Variants in NFATC3 observed in about 807,000 individuals in gnomAD.
NFATC3 encodes nuclear factor of activated T cells 3.
Under a neutral mutation model 98.6 loss-of-function variants are expected in NFATC3, and 46 were observed. That is an observed-to-expected ratio of 0.47 (90% CI 0.37 to 0.60). The LOEUF is 0.60. Among genes scored for constraint, NFATC3 ranks in the 20% least tolerant of loss-of-function variants. NFATC3 has a pLI of 0.00. For synonymous variants in NFATC3, 512 were observed against 472.2 expected (o/e 1.08, Z -1.09); for missense variants, 1,256 against 1,295.5 (o/e 0.97, Z 0.47).
intron 4 of NFATC3, among the ~76,000 whole-genome samples, chr16:68,163,470 C>G (rs1348784262): frequency 6.7e-6 from 1 of 149,930 alleles, no homozygotes; most frequent in African/African-American, 2.5e-5. Context: ...ACCTCCCGGG[C>G]GGGGCTGCTG....
At chr16:68,192,460 A>G (rs945751464) in intron 9 of NFATC3, among the ~76,000 whole-genome samples, 1 of 151,766 alleles carries the variant, frequency 6.6e-6, no homozygotes, top group South Asian at 2.1e-4. Context: ...GTGAGATCAC[A>G]GTGTCTAGAG....
rs986277074 is a variant in NFATC3, at chr16:68,158,223, A to G, written c.1601+155A>G. The G allele has an allele frequency of 4.5e-5, 26 of 577,510 alleles. No homozygotes were observed. The Admixed American group carries it at 7.0e-4, about 16-fold the overall frequency. 35.8% of individuals were successfully genotyped at this position (577,510 alleles called of 1,614,324 possible). On this transcript the variant is annotated intron_variant, in intron 4 of 9. Coordinates refer to ENST00000346183, the MANE Select transcript of NFATC3 (RefSeq NM_173165.3). ...GTACATTTTCTAAGAGTGGTAGCAT[A>G]TTTCCAGAAGGAAAATTCAATTCAG...
chr16:68,192,275 A>G (rs1388226801), intron 9 of NFATC3: 7 of 126,436 alleles, frequency 5.5e-5, no homozygotes, highest in Non-Finnish European at 1.0e-4. Flanking sequence ...ATATATATGT[A>G]TGTGTATATA....
At chr16:68,138,921 T>A in intron 3 of NFATC3, 2 of 471,316 alleles carry the variant, frequency 4.2e-6, no homozygotes, top group Non-Finnish European at 6.7e-6. Context: ...CCAAGTAACT[T>A]AACCTTTCTT....
chr16:68,191,226 C>A lies in NFATC3; in HGVS notation c.2557C>A (p.Pro853Thr), dbSNP rs747417834. Residue 853 changes from proline (P) to threonine (T), a missense_variant, in exon 9 of 10, where the codon CCA (proline) becomes ACA (threonine). Pro to Thr is a conservative substitution (Grantham distance 38). This residue lies in a region of NFATC3 where 636 missense variants were observed against 617.3 expected (regional missense o/e 1.03). Coordinates refer to ENST00000346183, the MANE Select transcript of NFATC3 (RefSeq NM_173165.3). The part of the protein sequence containing the change: ...NLGCQPLSSI[P>T]FHSSNSGSTG... ...TGGCTGTCAACCACTGTCATCCATA[C>A]CATTTCATTCTTCAAATTCAGGCTC... The A allele has an allele frequency of 1.2e-6, 2 of 1,614,190 alleles. No individual in the cohort carries two copies. The highest frequency in any genetic ancestry group is 1.3e-5 in the African/African-American group (1 of 75,042).
chr16:68,086,575 C>T (rs1266535764), intron 1 of NFATC3: 2 of 900,160 alleles, frequency 2.2e-6, no homozygotes, highest in African/African-American at 3.6e-5. Context: ...GGACTTAGAG[C>T]TCTTTTGTGA....
Position 68,229,051 on chromosome 16 carries a change from T to G in NFATC3, c.*2580T>G, listed in dbSNP as rs1376550720. 1.3e-5 allele frequency: 2 copies of G among 152,230 alleles called. No homozygotes were observed. The highest frequency in any genetic ancestry group is 2.4e-5 in the African/African-American group (1 of 41,456). 9.4% of individuals were successfully genotyped at this position (152,230 alleles called of 1,614,324 possible). On this transcript the variant is annotated 3_prime_UTR_variant, in exon 10 of 10. Transcript: ENST00000346183. ...GCTCAGATGGGCTCAAATTGAAACC[T>G]TGTGTTTTATAAAATGGATGTTTAG...
chr16:68,192,256 T>G (rs2040465177), intron 9 of NFATC3: 1 of 98,574 alleles, frequency 1.0e-5, no homozygotes, highest in Non-Finnish European at 2.2e-5. Context: ...TATATATATG[T>G]ATGTGTATAT....
At chr16:68,199,068 T>C (rs940371490) in intron 9 of NFATC3, among the ~76,000 whole-genome samples, 3 of 151,134 alleles carry the variant, frequency 2.0e-5, no homozygotes, top group Admixed American at 2.0e-4. Flanking sequence ...GAAAAAAAAT[T>C]AGCTGATCAT....
intron 8 of NFATC3, among the ~76,000 whole-genome samples, chr16:68,187,368 C>T (rs750847291): frequency 6.6e-6 from 1 of 152,210 alleles, no homozygotes; most frequent in African/African-American, 2.4e-5. Context: ...GCCAACATAG[C>T]GAGCAGGGGG....
intron 3 of NFATC3, among the ~76,000 whole-genome samples, chr16:68,141,672 T>C (rs2037759139): frequency 6.6e-6 from 1 of 152,182 alleles, no homozygotes; most frequent in African/African-American, 2.4e-5. Flanking sequence ...TTTGTTTTTT[T>C]CTTGCTGATT....
intron 3 of NFATC3, among the ~76,000 whole-genome samples, chr16:68,133,714 CATT>C (rs1464354712): frequency 6.6e-6 from 1 of 152,076 alleles, no homozygotes; most frequent in Non-Finnish European, 1.5e-5. Flanking sequence ...ATGTATTCAA[CATT>C]ATGATTGTGG....
At chr16:68,215,942 A>C (rs1481588222) in intron 9 of NFATC3, among the ~76,000 whole-genome samples, 2 of 151,972 alleles carry the variant, frequency 1.3e-5, no homozygotes, top group South Asian at 2.1e-4. Flanking sequence ...GTTAGCCAGG[A>C]TGGTCTCGAT....
intron 1 of NFATC3, among the ~76,000 whole-genome samples, chr16:68,100,919 T>TGTGGG (rs1285121975): frequency 6.6e-6 from 1 of 151,790 alleles, no homozygotes; most frequent in African/African-American, 2.4e-5. Context: ...TGTGTGTGTG[T>TGTGGG]GTGTGTGTGT....
intron 3 of NFATC3, among the ~76,000 whole-genome samples, chr16:68,150,653 G>C (rs2038270922): frequency 1.3e-5 from 2 of 152,062 alleles, no homozygotes; most frequent in South Asian, 4.1e-4. Flanking sequence ...GTACTATTAA[G>C]AGAAAAATAA....
chr16:68,094,162 G>A (rs1317324124), intron 1 of NFATC3, among the ~76,000 whole-genome samples: 1 of 152,086 alleles, frequency 6.6e-6, no homozygotes, highest in Non-Finnish European at 1.5e-5. Context: ...GTCAAGAGGT[G>A]ATATCATTTT....
At chr16:68,146,155 A>G (rs1454780719) in intron 3 of NFATC3, among the ~76,000 whole-genome samples, 1 of 152,184 alleles carries the variant, frequency 6.6e-6, no homozygotes, top group Non-Finnish European at 1.5e-5. Flanking sequence ...GTGTCATATC[A>G]GTGCTCAGAA....
intron 1 of NFATC3, among the ~76,000 whole-genome samples, chr16:68,103,876 C>T (rs912462062): frequency 3.9e-5 from 6 of 152,204 alleles, no homozygotes; most frequent in African/African-American, 1.4e-4. Flanking sequence ...TATTTCTGAA[C>T]TCTCATTTCC....
chr16:68,202,832 T>A (rs1002837198), intron 9 of NFATC3, among the ~76,000 whole-genome samples: 7 of 149,806 alleles, frequency 4.7e-5, no homozygotes, highest in South Asian at 4.2e-4. Flanking sequence ...AAATAAATAA[T>A]AAAAAAAAAT....
Sources: allele counts gnomAD v4.1 joint callset (sites outside exome capture counted in the v4.1 genomes callset), GRCh38; gene constraint gnomAD v4.1.1; regional missense constraint gnomAD v4.1.1; transcripts MANE v1.5; gene names NCBI Gene and HGNC (gene_info 2026-07-23, HGNC 2026-07-21).